Variants in RIC1 observed in about 807,000 individuals in gnomAD.
RIC1 encodes the protein guanine nucleotide exchange factor subunit RIC1.
A neutral mutation model predicts 169.0 loss-of-function variants in RIC1; 88 were observed. That is an observed-to-expected ratio of 0.52 (90% confidence interval 0.44 to 0.62). The LOEUF is 0.62. Ranked by LOEUF, RIC1 falls within the 20% of genes least tolerant of loss-of-function variation. The pLI is 0.00. For missense variants in RIC1, 1,877 were observed against 1,725.5 expected, an observed-to-expected ratio of 1.09 and a Z score of -1.56; for synonymous variants, 790 against 601.5, an observed-to-expected ratio of 1.31 and a Z score of -4.59.
chr9:5,640,265 C>G (rs1586863288), intron 1 of RIC1, among the ~76,000 whole-genome samples: 1 of 152,104 alleles, frequency 6.6e-6, no homozygotes, highest in South Asian at 2.1e-4. Context: ...GTGAGACTTG[C>G]AAGTACTGTC....
chr9:5,716,227 G>A (rs1409849011), intron 4 of RIC1, among the ~76,000 whole-genome samples: 2 of 152,144 alleles, frequency 1.3e-5, no homozygotes, highest in Non-Finnish European at 2.9e-5. Flanking sequence ...TGAAGTCAAT[G>A]ATTGAAGAGG....
chr9:5,642,829 A>G (rs117763796), intron 1 of RIC1, among the ~76,000 whole-genome samples: 1,557 of 152,208 alleles, frequency 0.01, 31 homozygotes, highest in Non-Finnish European at 0.015. Context: ...AGTTTCCCAA[A>G]TTTAAGTTCT....
At chr9:5,777,693 C>G (rs1380895883), downstream of RIC1, among the ~76,000 whole-genome samples, 3 of 152,142 alleles carry the variant, frequency 2.0e-5, no homozygotes, top group Non-Finnish European at 4.4e-5. Context: ...AAAGAGAGAT[C>G]TGACTTCGTT....
downstream of RIC1, among the ~76,000 whole-genome samples, chr9:5,777,282 A>T (rs1251813706): frequency 3.4e-5 from 5 of 148,888 alleles, no homozygotes. Flanking sequence ...TGGGCTTTTC[A>T]CTTTTTTAGG....
At chr9:5,661,137 A>G (rs1819427117) in intron 2 of RIC1, among the ~76,000 whole-genome samples, 2 of 152,008 alleles carry the variant, frequency 1.3e-5, no homozygotes, top group African/African-American at 4.8e-5. Flanking sequence ...CTAAGATCAG[A>G]TGGTGTAGGT....
chr9:5,762,877 T>G (rs1444652463), intron 18 of RIC1, among the ~76,000 whole-genome samples: 2 of 152,180 alleles, frequency 1.3e-5, no homozygotes, highest in East Asian at 3.8e-4. Flanking sequence ...GTTAACTGCT[T>G]AGGCATCATT....
chr9:5,723,898 G>A (rs1317170475), intron 6 of RIC1, among the ~76,000 whole-genome samples: 1 of 152,166 alleles, frequency 6.6e-6, no homozygotes, highest in Non-Finnish European at 1.5e-5. Context: ...TGAGGGCTCT[G>A]TTCTGTTCCA....
intron 7 of RIC1, among the ~76,000 whole-genome samples, chr9:5,733,516 G>C (rs1824502203): frequency 6.6e-6 from 1 of 151,824 alleles, no homozygotes; most frequent in Non-Finnish European, 1.5e-5. Context: ...GATCCGCCTT[G>C]GCCTCCCACA....
At chr9:5,741,512 C>G (rs1299115252) in intron 8 of RIC1, among the ~76,000 whole-genome samples, 1 of 152,080 alleles carries the variant, frequency 6.6e-6, no homozygotes, top group East Asian at 1.9e-4. Context: ...TTTCTCTAGA[C>G]TGCATTCTAG....
Position 5,768,997 on chromosome 9 carries a change from G to C in RIC1, c.3165G>C (p.Glu1055Asp). The change falls in exon 22 of 26, where the codon GAG (glutamate) becomes GAC (aspartate). Residue 1055 changes from glutamate (E) to aspartate (D), a missense_variant. This residue lies in a region of RIC1 where 681 missense variants were observed against 582.0 expected (regional missense o/e 1.17). Coordinates refer to ENST00000414202, the MANE Select transcript of RIC1 (RefSeq NM_020829.4). Reference sequence around the variant, plus strand: ...GGAGCAAAGACAGTGACTGTGCTGAGAACATGTATATTGACATGATGCTCT... The same window carrying C: ...GGAGCAAAGACAGTGACTGTGCTGACAACATGTATATTGACATGATGCTCT... ...KRWSKDSDCA[E>D]NMYIDMMLWR... is the part of the protein sequence containing the mutation. 6.2e-7 allele frequency: 1 copy of C among 1,613,166 alleles called. No individual in the cohort carries two copies. The highest frequency in any genetic ancestry group is 1.3e-5 in the African/African-American group (1 of 74,960).
intron 1 of RIC1, among the ~76,000 whole-genome samples, chr9:5,648,591 A>C (rs1225482313): frequency 6.6e-6 from 1 of 152,122 alleles, no homozygotes. Flanking sequence ...TTTTCGAGAA[A>C]TCTTCATACT....
chr9:5,726,806 C>T (rs1229860311), intron 6 of RIC1, among the ~76,000 whole-genome samples: 7 of 152,314 alleles, frequency 4.6e-5, no homozygotes, highest in South Asian at 2.1e-4. Context: ...TTCTCCTTCA[C>T]TTACGAAGCT....
Position 5,763,915 on chromosome 9 carries a change from C to T in RIC1, c.2841+47C>T, listed in dbSNP as rs1826503876. On this transcript the variant is annotated intron_variant, in intron 19 of 25. Coordinates refer to ENST00000414202, the MANE Select transcript of RIC1 (RefSeq NM_020829.4). This position sits in a 1 kb window ranked among gnomAD's most constrained non-coding sequence, Gnocchi z 5.2. ...AGGGGCAAGAATTAATGAGCTTAAA[C>T]TTAGAAAAATAGAAATGTCCTGTTT... is the stretch of plus-strand genomic sequence containing the variant. The T allele has an allele frequency of 6.5e-7, 1 of 1,530,474 alleles. No individual in the cohort carries two copies. Among genetic ancestry groups the T allele is most frequent in the Non-Finnish European group, 8.8e-7 (1 of 1,137,820 alleles). 94.8% of individuals were successfully genotyped at this position (1,530,474 alleles called of 1,614,324 possible).
rs1294051648 is a variant in RIC1, at chr9:5,753,519, T to C, written c.1492-17T>C. 1.1e-5 allele frequency: 12 copies of C among 1,090,668 alleles called. No individual in the cohort carries two copies. Among genetic ancestry groups the C allele is most frequent in the Non-Finnish European group, 1.5e-5 (12 of 777,020 alleles). 67.6% of individuals were successfully genotyped at this position (1,090,668 alleles called of 1,614,324 possible). ...ATAGGTTTGCAAGGAAAAGTTCTTA[T>C]TTTTTTTTTTAAACAGTTTTCAGCT... On this transcript the variant is annotated splice_polypyrimidine_tract_variant and intron_variant, in intron 13 of 25. Coordinates refer to ENST00000414202, the MANE Select transcript of RIC1 (RefSeq NM_020829.4).
At chr9:5,744,478 TA>T (rs1825266374) in intron 10 of RIC1, among the ~76,000 whole-genome samples, 1 of 152,178 alleles carries the variant, frequency 6.6e-6, no homozygotes, top group African/African-American at 2.4e-5. Flanking sequence ...GAACCAGAAG[TA>T]TTTCAGATTT....
chr9:5,751,555 A>G (rs1362603876), intron 12 of RIC1, among the ~76,000 whole-genome samples: 1 of 151,838 alleles, frequency 6.6e-6, no homozygotes, highest in Admixed American at 6.5e-5. Context: ...GGGTTTCACC[A>G]TGCTGGCCGG....
intron 10 of RIC1, among the ~76,000 whole-genome samples, chr9:5,744,763 A>T (rs1825283381): frequency 6.6e-6 from 1 of 152,136 alleles, no homozygotes; most frequent in South Asian, 2.1e-4. Flanking sequence ...GGGAGGCTTA[A>T]CCTGTATTTT....
At chr9:5,658,120 T>C (rs1291882065) in intron 2 of RIC1, among the ~76,000 whole-genome samples, 1 of 152,138 alleles carries the variant, frequency 6.6e-6, no homozygotes, top group Non-Finnish European at 1.5e-5. Flanking sequence ...TGACATTTTA[T>C]ATTATTTTTA....
At chr9:5,778,248 G>A (rs781340436), downstream of RIC1, among the ~76,000 whole-genome samples, 2 of 152,194 alleles carry the variant, frequency 1.3e-5, no homozygotes, top group Non-Finnish European at 2.9e-5. Context: ...AATTGCTTCT[G>A]TATATTGACA....
Sources: allele counts gnomAD v4.1 joint callset (sites outside exome capture counted in the v4.1 genomes callset), GRCh38; gene constraint gnomAD v4.1.1; regional missense constraint gnomAD v4.1.1; non-coding constraint Gnocchi (gnomAD v3.1); transcripts MANE v1.5; gene names NCBI Gene and HGNC (gene_info 2026-07-23, HGNC 2026-07-21).